The following TMEFF2 variants were observed in gnomAD, a reference collection of about 807,000 sequenced individuals.
TMEFF2 encodes the protein transmembrane protein with EGF like and two follistatin like domains 2.
Under a neutral mutation model 53.8 loss-of-function variants are expected in TMEFF2, and 28 were observed. The ratio of observed to expected loss-of-function variants is 0.52; its 90% confidence interval spans 0.39 to 0.71. The LOEUF (loss-of-function observed/expected upper bound fraction) is 0.71. Ranked by LOEUF, TMEFF2 falls within the 30% of genes least tolerant of loss-of-function variation. The pLI is 0.00. For missense variants in TMEFF2, 353 were observed against 455.2 expected, an observed-to-expected ratio of 0.78 and a Z score of 2.04; for synonymous variants, 162 against 166.3, an observed-to-expected ratio of 0.97 and a Z score of 0.20.
intron 5 of TMEFF2, among the ~76,000 whole-genome samples, chr2:192,049,495 A>T (rs1687711150): frequency 6.6e-6 from 1 of 152,108 alleles, no homozygotes; most frequent in Admixed American, 6.6e-5. Context: ...TATCTTTGAG[A>T]CTGGGATGTT....
Position 192,007,203 on chromosome 2 carries a change from T to G in TMEFF2, c.537-7995A>C, listed in dbSNP as rs28727520. Among the ~76,000 whole-genome samples the G allele has an allele frequency of 1.3e-3, 204 of 152,326 alleles. 1 individual carries two copies. The highest frequency in any genetic ancestry group is 4.5e-3 in the African/African-American group (189 of 41,576). ...TAAAAGGCTTTATTCATATGGCACA[T>G]ACTCCATGCAATGTGTTTGGTGTCA... On this transcript the variant is annotated intron_variant, in intron 5 of 9. Coordinates refer to ENST00000272771, the MANE Select transcript of TMEFF2 (RefSeq NM_016192.4).
intron 4 of TMEFF2, among the ~76,000 whole-genome samples, chr2:192,115,818 A>G (rs2105960408): frequency 6.6e-6 from 1 of 152,176 alleles, no homozygotes; most frequent in South Asian, 2.1e-4. Flanking sequence ...GATGGCTATT[A>G]TAAAAAAGTC....
At chr2:192,062,424 T>C (rs1688066197) in intron 4 of TMEFF2, among the ~76,000 whole-genome samples, 1 of 152,196 alleles carries the variant, frequency 6.6e-6, no homozygotes, top group Non-Finnish European at 1.5e-5. Flanking sequence ...TTGTTTTCAG[T>C]TACTGACTGG....
intron 5 of TMEFF2, among the ~76,000 whole-genome samples, chr2:192,041,192 A>T (rs1215948892): frequency 6.6e-6 from 1 of 152,210 alleles, no homozygotes; most frequent in African/African-American, 2.4e-5. Context: ...AAATAGAGAA[A>T]CTACCTGCAA....
chr2:192,088,432 T>A (rs1688715470), intron 4 of TMEFF2, among the ~76,000 whole-genome samples: 1 of 152,104 alleles, frequency 6.6e-6, no homozygotes, highest in Admixed American at 6.6e-5. Flanking sequence ...ATCACCTCTG[T>A]GAATTTGCAA....
intron 5 of TMEFF2, among the ~76,000 whole-genome samples, chr2:192,007,686 GCA>G (rs1446056279): frequency 6.6e-6 from 1 of 152,176 alleles, no homozygotes; most frequent in African/African-American, 2.4e-5. Context: ...AGGTTTTTGA[GCA>G]CAGTGTGATG....
At chr2:192,106,947 G>A (rs1689163270) in intron 4 of TMEFF2, among the ~76,000 whole-genome samples, 1 of 151,704 alleles carries the variant, frequency 6.6e-6, no homozygotes, top group South Asian at 2.1e-4. Context: ...ACTTTTATAG[G>A]TGGAGTCAAA....
chr2:192,111,716 G>T (rs142484831), intron 4 of TMEFF2, among the ~76,000 whole-genome samples: 1 of 152,304 alleles, frequency 6.6e-6, no homozygotes, highest in African/African-American at 2.4e-5. Context: ...AGAACTTTGT[G>T]GCAGCCCCTC....
chr2:192,176,865 A>G (rs1224696257), intron 4 of TMEFF2: 1 of 151,090 alleles, frequency 6.6e-6, no homozygotes, highest in African/African-American at 2.4e-5. Flanking sequence ...TATTTGATAT[A>G]TTTTTACATG....
chr2:192,159,986 T>G (rs1690595220), intron 4 of TMEFF2, among the ~76,000 whole-genome samples: 1 of 152,168 alleles, frequency 6.6e-6, no homozygotes, highest in African/African-American at 2.4e-5. Flanking sequence ...TACCATTTCC[T>G]TTGGCAACGA....
chr2:192,089,873 C>T (rs1688752027), intron 4 of TMEFF2, among the ~76,000 whole-genome samples: 1 of 152,042 alleles, frequency 6.6e-6, no homozygotes, highest in African/African-American at 2.4e-5. Context: ...GCACAGTAAC[C>T]CTTAAACTTA....
At chr2:192,133,120 A>G (rs989823620) in intron 4 of TMEFF2, among the ~76,000 whole-genome samples, 5 of 151,914 alleles carry the variant, frequency 3.3e-5, no homozygotes, top group African/African-American at 1.2e-4. Context: ...AACTTAGACA[A>G]TACTCTTTTA....
intron 4 of TMEFF2, among the ~76,000 whole-genome samples, chr2:192,070,020 A>C (rs367605071): frequency 1.2e-5 from 1 of 86,504 alleles, no homozygotes; most frequent in African/African-American, 6.3e-5. Flanking sequence ...ATATATATAT[A>C]TATATATATA....
chr2:192,090,757 A>G lies in TMEFF2; in HGVS notation c.440-32982T>C, dbSNP rs114675870. ...ATCAATTTGGAAAATACCTGTCTTC[A>G]TGGTCCAAATGCCACAGGTAGTTGA... On this transcript the variant is annotated intron_variant, in intron 4 of 9. Transcript: ENST00000272771. Among the ~76,000 whole-genome samples the G allele has an allele frequency of 6.3e-3, 956 of 152,290 alleles. 4 individuals are homozygous for G. The highest frequency in any genetic ancestry group is 0.01 in the Middle Eastern group (3 of 294).
At chr2:192,168,582 T>G (rs1377991177) in intron 4 of TMEFF2, among the ~76,000 whole-genome samples, 1 of 152,146 alleles carries the variant, frequency 6.6e-6, no homozygotes, top group Admixed American at 6.6e-5. Context: ...TATACTGGTA[T>G]TAGATGACTC....
intron 4 of TMEFF2, among the ~76,000 whole-genome samples, chr2:192,160,270 G>A (rs1170218505): frequency 2.6e-5 from 4 of 152,106 alleles, no homozygotes; most frequent in East Asian, 1.9e-4. Context: ...TTAATACTGT[G>A]TATCAACATT....
chr2:192,193,803 G>GAC, intron 1 of TMEFF2, among the ~76,000 whole-genome samples: 1 of 146,074 alleles, frequency 6.8e-6, no homozygotes, highest in East Asian at 2.0e-4. Flanking sequence ...GAGAGAGAGA[G>GAC]AGAGAAATTC....
intron 7 of TMEFF2, among the ~76,000 whole-genome samples, chr2:191,997,341 A>G: frequency 6.7e-6 from 1 of 148,658 alleles, no homozygotes; most frequent in Admixed American, 6.6e-5. Flanking sequence ...AGATCTCTAT[A>G]TTAACTAATT....
rs35061261 is a variant in TMEFF2 at position 191,986,859 on chromosome 2, G to GAA, written c.745+11401_745+11402dup. Among the ~76,000 whole-genome samples the GAA allele has an allele frequency of 2.2e-3, 166 of 76,494 alleles. 1 individual carries two copies. The highest frequency in any genetic ancestry group is 3.4e-3 in the African/African-American group (75 of 21,894). The allele number at this position is 76,494 out of a possible 152,430, so 50.2% of individuals were successfully genotyped here. On this transcript the variant is annotated intron_variant, in intron 7 of 9. Transcript: ENST00000272771. ...GGCGACAGAGTGAGACTCCGTCTCA[G>GAA]AAAAAAAAAAAAAAAAAAAAGTGTG...
Sources: gnomAD v4.1 joint callset for allele counts (sites outside exome capture counted in the v4.1 genomes callset) on GRCh38, gnomAD v4.1.1 for gene constraint, MANE v1.5 for transcripts, NCBI Gene and HGNC (gene_info 2026-07-23, HGNC 2026-07-21) for gene names.